BMS1: variants seen among roughly 807,000 people sequenced by gnomAD.
BMS1 encodes BMS1 ribosome biogenesis factor, also known as ribosome biogenesis protein BMS1 homolog.
Under a neutral mutation model 138.7 loss-of-function variants are expected in BMS1, and 53 were observed. The observed-to-expected ratio is 0.38, with a 90% CI of 0.31 to 0.48. BMS1 has a LOEUF of 0.48. Among genes scored for constraint, BMS1 ranks in the 20% least tolerant of loss-of-function variants. BMS1 has a pLI of 0.97. For missense variants in BMS1, 1,360 were observed against 1,565.5 expected, an observed-to-expected ratio of 0.87 and a Z score of 2.22; for synonymous variants, 504 against 539.9, an observed-to-expected ratio of 0.93 and a Z score of 0.92.
rs953711001 is a variant in BMS1 at position 42,832,046 on chromosome 10, C to G, written c.*950C>G. On this transcript the variant is annotated 3_prime_UTR_variant, in exon 23 of 23. Coordinates refer to ENST00000374518, the MANE Select transcript of BMS1 (RefSeq NM_014753.4). ...CATATAACAATCAGGATGTTGACAT[C>G]AATACAGCCCGCTGATTTTATTCAC... is the stretch of plus-strand genomic sequence containing the variant. The G allele has an allele frequency of 2.6e-5, 4 of 152,132 alleles. No homozygotes were observed. The highest frequency in any genetic ancestry group is 7.2e-5 in the African/African-American group (3 of 41,412). The allele number at this position is 152,132 out of a possible 1,614,324, so 9.4% of individuals were successfully genotyped here. A position where few individuals can be genotyped will look rare whatever the true frequency, so the allele number is the denominator to read the frequency against.
intron 13 of BMS1, among the ~76,000 whole-genome samples, chr10:42,807,421 G>A (rs1249173645): frequency 3.3e-5 from 5 of 152,140 alleles, no homozygotes; most frequent in South Asian, 2.1e-4. Context: ...TGGATGTACC[G>A]GTTTGTTTAA....
At chr10:42,809,289 A>G (rs1046436437) in intron 13 of BMS1, among the ~76,000 whole-genome samples, 1 of 152,110 alleles carries the variant, frequency 6.6e-6, no homozygotes, top group Non-Finnish European at 1.5e-5. Context: ...CTCACTTATT[A>G]GTTGTAGGAG....
In BMS1 at chr10:42,833,932, T is replaced by C. The variant is rs1238918036; in HGVS notation, c.*2836T>C. The C allele has an allele frequency of 6.6e-6, 1 of 152,180 alleles. No homozygotes were observed. The highest frequency in any genetic ancestry group is 1.5e-5 in the Non-Finnish European group (1 of 68,034). The allele number at this position is 152,180 out of a possible 1,614,324, so 9.4% of individuals were successfully genotyped here. ...CCACTGAGCTTCGTGCTGCATAAAATTGCTTGGAAGAAAGAAGGGAGGGCA... is the reference window on the plus strand; with the variant it reads ...CCACTGAGCTTCGTGCTGCATAAAACTGCTTGGAAGAAAGAAGGGAGGGCA... On this transcript the variant is annotated 3_prime_UTR_variant, in exon 23 of 23. Transcript: ENST00000374518.
rs192177467 is a variant in BMS1, at chr10:42,832,110, A to C, written c.*1014A>C. 2 of 152,106 alleles carry C rather than the reference A, an allele frequency of 1.3e-5. No individual in the cohort carries two copies. The highest frequency in any genetic ancestry group is 4.8e-5 in the African/African-American group (2 of 41,404). The allele number at this position is 152,106 out of a possible 1,614,324, so 9.4% of individuals were successfully genotyped here. On this transcript the variant is annotated 3_prime_UTR_variant, in exon 23 of 23. Transcript: ENST00000374518. ...TACTTTCCCCAACGTATACTCCTCC[A>C]TGTATGCATGGGTGTGTAGAAATAT...
chr10:42,818,537 C>T (rs1842414924), intron 15 of BMS1, among the ~76,000 whole-genome samples: 1 of 152,106 alleles, frequency 6.6e-6, no homozygotes. Context: ...TCCTGGTGGA[C>T]TGAATGTGGG....
At chr10:42,810,650 T>C (rs1842144866) in intron 13 of BMS1, among the ~76,000 whole-genome samples, 2 of 152,206 alleles carry the variant, frequency 1.3e-5, no homozygotes, top group Non-Finnish European at 2.9e-5. Flanking sequence ...TTCCAGAAGC[T>C]CTTAATTACA....
Position 42,798,645 on chromosome 10 carries a change from T to G in BMS1, c.2247+20T>G. 1.9e-6 allele frequency: 3 copies of G among 1,610,738 alleles called. No homozygotes were observed. Among genetic ancestry groups the G allele is most frequent in the Non-Finnish European group, 2.5e-6 (3 of 1,177,600 alleles). ...GAGGAGGTAAGTCTGGGTAGTACATTTGATTTATTAGAGAATTAGCGAATT... is the reference window on the plus strand; with the variant it reads ...GAGGAGGTAAGTCTGGGTAGTACATGTGATTTATTAGAGAATTAGCGAATT... On this transcript the variant is annotated intron_variant, in intron 12 of 22. Coordinates refer to ENST00000374518, the MANE Select transcript of BMS1 (RefSeq NM_014753.4).
chr10:42,829,855 G>A (rs1842752998), intron 21 of BMS1, among the ~76,000 whole-genome samples: 1 of 152,130 alleles, frequency 6.6e-6, no homozygotes, highest in Admixed American at 6.6e-5. Context: ...AACATCCAGA[G>A]TGGTTGATAG....
intron 18 of BMS1, among the ~76,000 whole-genome samples, chr10:42,821,583 C>T (rs1842505755): frequency 9.0e-6 from 1 of 110,824 alleles, no homozygotes; most frequent in Non-Finnish European, 1.7e-5. Context: ...GACAGAGTCT[C>T]ACTCTGTCAT....
At chr10:42,807,449 A>G (rs1419109013) in intron 13 of BMS1, among the ~76,000 whole-genome samples, 3 of 152,064 alleles carry the variant, frequency 2.0e-5, no homozygotes, top group Non-Finnish European at 2.9e-5. Context: ...TCCAAGATCA[A>G]GCTGGGTTGT....
At chr10:42,812,849 C>T (rs180831183) in intron 13 of BMS1, among the ~76,000 whole-genome samples, 1 of 152,266 alleles carries the variant, frequency 6.6e-6, no homozygotes, top group African/African-American at 2.4e-5. Context: ...TGAAGTGAAA[C>T]TTCTTAGGCT....
intron 3 of BMS1, 116 bp from the exon 4 acceptor site, chr10:42,787,052 C>T (rs1841357186): frequency 1.3e-5 from 10 of 783,428 alleles, no homozygotes; most frequent in South Asian, 2.8e-5. Context: ...CTTGTATGCT[C>T]CTGTAAATGT....
intron 13 of BMS1, among the ~76,000 whole-genome samples, chr10:42,812,107 C>T (rs548062775): frequency 5.3e-4 from 81 of 152,220 alleles, no homozygotes; most frequent in African/African-American, 1.6e-3. Flanking sequence ...GGGTGTTATA[C>T]GGATGTCAGA....
chr10:42,817,325 A>C lies in BMS1; in HGVS notation c.2411A>C (p.Asp804Ala), dbSNP rs1356762985. The change falls in exon 15 of 23, where the codon GAT becomes GCT. Residue 804 changes from aspartate (D) to alanine (A), a missense_variant. Physicochemically the swap from Asp to Ala is moderately radical, Grantham distance 126. Coordinates refer to ENST00000374518, the MANE Select transcript of BMS1 (RefSeq NM_014753.4). ...GKSGPNTQNEDIEKEVKEEID... is the reference protein window; with the variant it reads ...GKSGPNTQNEAIEKEVKEEID... ...TTCTTCTGGAAATTTAAGAATGAAG[A>C]TATAGAGAAAGAAGTTAAGGAAGAA... The C allele has an allele frequency of 6.3e-7, 1 of 1,595,600 alleles. No homozygotes were observed. The highest frequency in any genetic ancestry group is 1.8e-5 in the Admixed American group (1 of 56,370).
intron 9 of BMS1, among the ~76,000 whole-genome samples, chr10:42,796,258 A>G (rs1307606145): frequency 2.0e-5 from 3 of 152,124 alleles, no homozygotes; most frequent in Admixed American, 6.5e-5. Context: ...TATTCTCTCT[A>G]TAAGTTCTTT....
At chr10:42,795,579 C>G (rs569609111) in intron 9 of BMS1, among the ~76,000 whole-genome samples, 1 of 151,924 alleles carries the variant, frequency 6.6e-6, no homozygotes, top group Non-Finnish European at 1.5e-5. Context: ...CCTTGGCCTC[C>G]CAAAGTTCTG....
rs1262486799 is a variant in BMS1 at position 42,792,904 on chromosome 10, G to A, written c.902-53G>A. The A allele has an allele frequency of 2.2e-5, 35 of 1,558,476 alleles. No individual in the cohort carries two copies. The Admixed American group carries it at 3.7e-4, about 17-fold the overall frequency. On this transcript the variant is annotated intron_variant, in intron 7 of 22. Transcript: ENST00000374518. ...ATATTTAACCCCCTAGTCAATGGTA[G>A]ATGCTTCTGACTTCTTGTCAGCTGA...
chr10:42,798,424 C>T (rs1841761922), intron 11 of BMS1, 44 bp from the exon 12 acceptor site: 1 of 1,611,954 alleles, frequency 6.2e-7, no homozygotes, highest in Non-Finnish European at 8.5e-7. Flanking sequence ...TCCTCTAGGG[C>T]TGTAATTTTT....
intron 13 of BMS1, among the ~76,000 whole-genome samples, chr10:42,812,470 G>A (rs535280478): frequency 6.6e-6 from 1 of 152,316 alleles, no homozygotes; most frequent in South Asian, 2.1e-4. Flanking sequence ...GCTGAGAGGA[G>A]GGTGTTGAAG....
Sources: gnomAD v4.1 joint callset for allele counts (sites outside exome capture counted in the v4.1 genomes callset) on GRCh38, gnomAD v4.1.1 for gene constraint, MANE v1.5 for transcripts, NCBI Gene and HGNC (gene_info 2026-07-23, HGNC 2026-07-21) for gene names.